ZNF8: variants seen among roughly 807,000 people sequenced by gnomAD.
ZNF8 encodes zinc finger protein 8, also known as zinc finger protein 272.
Under a neutral mutation model 12.2 loss-of-function variants are expected in ZNF8, and 9 were observed. The ratio of observed to expected loss-of-function variants is 0.73; its 90% CI spans 0.44 to 1.28. The LOEUF is 1.28. Among genes scored for constraint, ZNF8 ranks in the 50% most tolerant of loss-of-function variants. The probability of loss-of-function intolerance (pLI) is 0.00; values close to 1 mark genes in which losing one functional copy is unlikely to be tolerated. For synonymous variants in ZNF8, 274 were observed against 282.3 expected (o/e 0.97, Z 0.30); for missense variants, 664 against 729.1 (o/e 0.91, Z 1.03).
chr19:58,281,465 A>AGAAGGAAGCCAAGAGGAGGCAT (rs1318525358), intron 1 of ZNF8, among the ~76,000 whole-genome samples: 1 of 152,192 alleles, frequency 6.6e-6, no homozygotes, highest in East Asian at 1.9e-4. Context: ...TAGAATTCCA[A>AGAAGGAAGCCAAGAGGAGGCAT]GAAGGAAGCC....
chr19:58,282,648 G>A, intron 1 of ZNF8, among the ~76,000 whole-genome samples: 1 of 149,928 alleles, frequency 6.7e-6, no homozygotes, highest in Non-Finnish European at 1.5e-5. Flanking sequence ...TTTTTTTTGA[G>A]ATGGAGTCTC....
intron 1 of ZNF8, among the ~76,000 whole-genome samples, chr19:58,284,096 C>T (rs1293976657): frequency 2.0e-5 from 3 of 151,972 alleles, no homozygotes; most frequent in Admixed American, 6.6e-5. Context: ...TGGTGGCGTG[C>T]ACCTGTAGTC....
chr19:58,279,640 T>C, intron 1 of ZNF8: 2 of 1,533,886 alleles, frequency 1.3e-6, no homozygotes, highest in Non-Finnish European at 1.7e-6. Context: ...CACAACCTCT[T>C]GGGGGCAATG....
rs2051472425 is a variant in ZNF8 at position 58,298,754 on chromosome 19, C to T, written c.*3218C>T. 2.6e-5 allele frequency: 4 copies of T among 152,194 alleles called. No homozygotes were observed. The South Asian group carries it at 8.3e-4, about 31-fold the overall frequency. 9.4% of individuals were successfully genotyped at this position (152,194 alleles called of 1,614,324 possible). On this transcript the variant is annotated 3_prime_UTR_variant, in exon 4 of 4. Coordinates refer to ENST00000621650, the MANE Select transcript of ZNF8 (RefSeq NM_021089.3). The stretch of plus-strand genomic sequence containing the variant: ...CTAGTGTTCAGATGTTCTGGGTTGC[C>T]TCATAAATTTTGTTTTCTATTTGTT...
Position 58,279,179 on chromosome 19 carries a change from G to T in ZNF8, c.66+32G>T, listed in dbSNP as rs778367389. 1.9e-6 allele frequency: 3 copies of T among 1,545,912 alleles called. No homozygotes were observed. The South Asian group carries it at 3.6e-5, about 18-fold the overall frequency. On this transcript the variant is annotated intron_variant, in intron 1 of 3. Coordinates refer to ENST00000621650, the MANE Select transcript of ZNF8 (RefSeq NM_021089.3). ...ATAACAACAATAACGACGGCGGCGG[G>T]CTCCGGGCAAGCGTCTCCCGCGCAG...
rs550749788 is a variant in ZNF8 at position 58,284,621 on chromosome 19, G to A, written c.67-1096G>A. On this transcript the variant is annotated intron_variant, in intron 1 of 3. Coordinates refer to ENST00000621650, the MANE Select transcript of ZNF8 (RefSeq NM_021089.3). ...CCCAGCACTTTGGGAGGCCGAGGCG[G>A]GTGGATCACTTGAGGCTAGGGGTTC... 3.3e-3 allele frequency among the ~76,000 whole-genome samples: 504 copies of A among 152,272 alleles called. 4 individuals carry two copies. The highest frequency in any genetic ancestry group is 0.011 in the African/African-American group (476 of 41,562).
At chr19:58,283,328 A>T (rs1412897928) in intron 1 of ZNF8, among the ~76,000 whole-genome samples, 1 of 152,098 alleles carries the variant, frequency 6.6e-6, no homozygotes, top group Non-Finnish European at 1.5e-5. Context: ...AGTCTGTGTT[A>T]GTTTGAATGT....
rs1281537508 is a variant in ZNF8 at position 58,300,561 on chromosome 19, CTG to C, written c.*5028_*5029del. ...AACCTCGTATTTACCTTTCTAACCT[CTG>C]TGGTGGAGACAGGTGGGAGAGAAAA... On this transcript the variant is annotated 3_prime_UTR_variant, in exon 4 of 4. Coordinates refer to ENST00000621650, the MANE Select transcript of ZNF8 (RefSeq NM_021089.3). 5.9e-5 allele frequency: 9 copies of C among 152,246 alleles called. No individual in the cohort carries two copies. The highest frequency in any genetic ancestry group is 2.2e-4 in the African/African-American group (9 of 41,448). The allele number at this position is 152,246 out of a possible 1,614,324, so 9.4% of individuals were successfully genotyped here.
intron 3 of ZNF8, among the ~76,000 whole-genome samples, chr19:58,290,779 G>A (rs2051414721): frequency 6.6e-6 from 1 of 152,128 alleles, no homozygotes; most frequent in South Asian, 2.1e-4. Flanking sequence ...GGCCAGGCAT[G>A]GTGGCTTACG....
chr19:58,281,520 A>T (rs2147953251), intron 1 of ZNF8, among the ~76,000 whole-genome samples: 1 of 152,290 alleles, frequency 6.6e-6, no homozygotes, highest in South Asian at 2.1e-4. Context: ...GAGAATTCTC[A>T]TGGCTTGGAC....
intron 3 of ZNF8, among the ~76,000 whole-genome samples, chr19:58,287,146 C>CT (rs1230702500): frequency 6.6e-6 from 1 of 152,066 alleles, no homozygotes; most frequent in Non-Finnish European, 1.5e-5. Flanking sequence ...TTCAAATGAT[C>CT]CTCCCACCTC....
intron 3 of ZNF8, among the ~76,000 whole-genome samples, chr19:58,289,175 A>G (rs780971247): frequency 6.6e-6 from 1 of 152,158 alleles, no homozygotes; most frequent in Non-Finnish European, 1.5e-5. Flanking sequence ...TCCTGTAACA[A>G]AGTACCACAA....
chr19:58,282,357 G>A (rs1007998831), intron 1 of ZNF8, among the ~76,000 whole-genome samples: 2 of 152,120 alleles, frequency 1.3e-5, no homozygotes, highest in Non-Finnish European at 2.9e-5. Flanking sequence ...TGAGTTGTAT[G>A]TGTTCATTAC....
chr19:58,295,086 GT>G lies in ZNF8; in HGVS notation c.1279del (p.Cys427AlafsTer5). 1 of 1,614,060 alleles carries G rather than the reference GT, an allele frequency of 6.2e-7. No individual in the cohort carries two copies. The highest frequency in any genetic ancestry group is 1.3e-5 in the African/African-American group (1 of 75,072). ...RKHAGEKPFE[C>X]RQRLIFEQTP... The stretch of plus-strand genomic sequence containing the variant: ...AGCACGCGGGGGAGAAGCCCTTTGA[GT>G]GCCGCCAGAGGCTGATCTTTGAGCA... On this transcript the variant is annotated frameshift_variant, in exon 4 of 4. Transcript: ENST00000621650. LOFTEE classifies it low-confidence loss of function (END_TRUNC).
chr19:58,295,541 G>A lies in ZNF8; in HGVS notation c.*5G>A, dbSNP rs1477322458. The A allele has an allele frequency of 2.5e-6, 4 of 1,581,668 alleles. No individual in the cohort carries two copies. Among genetic ancestry groups the A allele is most frequent in the Non-Finnish European group, 3.4e-6 (4 of 1,163,746 alleles). On this transcript the variant is annotated 3_prime_UTR_variant, in exon 4 of 4. Coordinates refer to ENST00000621650, the MANE Select transcript of ZNF8 (RefSeq NM_021089.3). ...GACATCAGAGAATCCACATAGGAGAGAAACTTTGCTGATGACTTTTAACCA... is the reference window on the plus strand; with the variant it reads ...GACATCAGAGAATCCACATAGGAGAAAAACTTTGCTGATGACTTTTAACCA...
chr19:58,294,111 A>C lies in ZNF8; in HGVS notation c.303A>C (p.Arg101=), dbSNP rs778834698. ...TQGCHPAWEP[R]SESQASRKEE... ...GTTTTCTTTCAGCCTGGGAGCCTCG[A>C]TCTGAAAGCCAAGCATCACGCAAGG... The change falls in exon 4 of 4, where the codon CGA becomes CGC. Residue 101 remains arginine, a synonymous_variant. Transcript: ENST00000621650. The surrounding 1 kb of genome is among the most constrained non-coding windows in gnomAD (Gnocchi z 5.5). 6.3e-7 allele frequency: 1 copy of C among 1,599,324 alleles called. No individual in the cohort carries two copies. The highest frequency in any genetic ancestry group is 1.3e-5 in the African/African-American group (1 of 74,408).
intron 3 of ZNF8, among the ~76,000 whole-genome samples, chr19:58,292,220 TAGTC>T (rs2051423777): frequency 6.6e-6 from 1 of 152,226 alleles, no homozygotes; most frequent in Admixed American, 6.5e-5. Context: ...ATCACCATCT[TAGTC>T]AGCTTGGGGT....
intron 3 of ZNF8, among the ~76,000 whole-genome samples, chr19:58,287,337 C>T (rs370402745): frequency 3.4e-5 from 4 of 117,804 alleles, no homozygotes; most frequent in African/African-American, 3.3e-5. Context: ...CCATGCCCAG[C>T]TTTTTTTTTT....
intron 3 of ZNF8, among the ~76,000 whole-genome samples, chr19:58,287,337 C>CTT (rs35511685): frequency 0.011 from 1,346 of 117,778 alleles, 64 homozygotes; most frequent in African/African-American, 0.037. Context: ...CCATGCCCAG[C>CTT]TTTTTTTTTT....
Sources: gnomAD v4.1 joint callset for allele counts (sites outside exome capture counted in the v4.1 genomes callset) on GRCh38, gnomAD v4.1.1 for gene constraint, Gnocchi (gnomAD v3.1) non-coding constraint, MANE v1.5 for transcripts, NCBI Gene and HGNC (gene_info 2026-07-23, HGNC 2026-07-21) for gene names.